OR7C1: variants seen among roughly 807,000 people sequenced by gnomAD.
OR7C1 encodes olfactory receptor family 7 subfamily C member 1, also known as olfactory receptor 7C1.
For synonymous variants in OR7C1, 152 were observed against 160.7 expected, an observed-to-expected ratio of 0.95 and a Z score of 0.41; for missense variants, 324 against 383.3, an observed-to-expected ratio of 0.85 and a Z score of 1.29.
At chr19:14,803,988 C>T (rs570698748) in intron 2 of OR7C1, among the ~76,000 whole-genome samples, 231 of 152,150 alleles carry the variant, frequency 1.5e-3, no homozygotes, top group African/African-American at 5.2e-3. Context: ...GGATTACAGG[C>T]GTGAACCACC....
At chr19:14,808,691 G>T (rs2044677263) in intron 2 of OR7C1, among the ~76,000 whole-genome samples, 1 of 151,410 alleles carries the variant, frequency 6.6e-6, no homozygotes, top group Admixed American at 6.6e-5. Flanking sequence ...TTTGAGTGAT[G>T]GTTACACTAA....
chr19:14,829,167 G>A (rs1178019494), intron 1 of OR7C1, among the ~76,000 whole-genome samples: 2 of 152,208 alleles, frequency 1.3e-5, no homozygotes, highest in Non-Finnish European at 2.9e-5. Context: ...TGCCTGGCAG[G>A]AGGAATGGCA....
exon 5 of OR7C1, chr19:14,799,636 G>A (rs770768606): frequency 2.9e-5 from 46 of 1,613,822 alleles, no homozygotes; most frequent in Admixed American, 1.0e-4. Context: ...CGGTGCAGAA[G>A]GACAGCCTCA....
At chr19:14,821,395 T>TA (rs1263459693) in intron 1 of OR7C1, 1 of 152,238 alleles carries the variant, frequency 6.6e-6, no homozygotes, top group African/African-American at 2.4e-5. Context: ...AGTCCGGAGA[T>TA]AATGTCAGTT....
At chr19:14,819,334 T>A (rs1599920138) in intron 1 of OR7C1, among the ~76,000 whole-genome samples, 1 of 151,884 alleles carries the variant, frequency 6.6e-6, no homozygotes, top group South Asian at 2.1e-4. Flanking sequence ...CCCCACCCCC[T>A]GACAGGCTCC....
intron 2 of OR7C1, among the ~76,000 whole-genome samples, chr19:14,808,780 T>C (rs8111701): frequency 0.036 from 5,433 of 151,998 alleles, 152 homozygotes; most frequent in South Asian, 0.074. Flanking sequence ...AAAATAAAAG[T>C]TTTTCCATTT....
At chr19:14,799,726 G>T (rs771635211) in exon 5 of OR7C1, 1 of 1,614,064 alleles carries the variant, frequency 6.2e-7, no homozygotes, top group Non-Finnish European at 8.5e-7. Context: ...AGAGCTGGGG[G>T]TTCATGATGA....
At chr19:14,832,779 T>C in intron 1 of OR7C1, among the ~76,000 whole-genome samples, 1 of 152,040 alleles carries the variant, frequency 6.6e-6, no homozygotes, top group East Asian at 1.9e-4. Context: ...AAAAAAAGAA[T>C]TATAAAATTA....
chr19:14,827,792 G>C, intron 1 of OR7C1: 1 of 1,614,182 alleles, frequency 6.2e-7, no homozygotes, highest in Non-Finnish European at 8.5e-7. Context: ...GAGCACTCAT[G>C]GTCCAGGATG....
intron 1 of OR7C1, among the ~76,000 whole-genome samples, chr19:14,815,601 C>A (rs1042349094): frequency 4.6e-5 from 7 of 152,132 alleles, no homozygotes; most frequent in Non-Finnish European, 2.9e-5. Flanking sequence ...CTTTCCTTTT[C>A]TAAATTTATA....
At chr19:14,821,100 T>C (rs1472698982) in intron 1 of OR7C1, among the ~76,000 whole-genome samples, 1 of 152,012 alleles carries the variant, frequency 6.6e-6, no homozygotes, top group Admixed American at 6.6e-5. Context: ...TAGCTGGGTG[T>C]AGTGGCAGGT....
rs1364207798 is a variant in OR7C1, at chr19:14,814,953, G to A, written c.-622-4960C>T. 5.3e-5 allele frequency among the ~76,000 whole-genome samples: 8 copies of A among 152,202 alleles called. No homozygotes were observed. The East Asian group carries it at 1.5e-3, about 29-fold the overall frequency. On this transcript the variant is annotated intron_variant, in intron 1 of 4. Transcript: ENST00000641666. ...CAATAAGATACCCAATTATAAGCAG[G>A]GCCTAACGCCATGCCCGGCAAGCAT...
At chr19:14,799,700 A>G (rs1301583974) in exon 5 of OR7C1, 21 of 1,614,020 alleles carry the variant, frequency 1.3e-5, no homozygotes, top group Non-Finnish European at 1.7e-5. Context: ...CCAGGACCCC[A>G]GAACCAGCAG....
intron 1 of OR7C1, among the ~76,000 whole-genome samples, chr19:14,834,653 G>T (rs900013783): frequency 6.7e-6 from 1 of 148,994 alleles, no homozygotes; most frequent in African/African-American, 2.5e-5. Flanking sequence ...TTTTTCTCAC[G>T]GGCATAGAAT....
intron 1 of OR7C1, among the ~76,000 whole-genome samples, chr19:14,815,503 T>C (rs756774605): frequency 6.6e-6 from 1 of 152,212 alleles, no homozygotes; most frequent in Admixed American, 6.5e-5. Flanking sequence ...GAAATGCCTG[T>C]CTCTCTGGTA....
intron 1 of OR7C1, among the ~76,000 whole-genome samples, chr19:14,812,442 A>T (rs192637808): frequency 1.3e-5 from 2 of 152,192 alleles, no homozygotes; most frequent in African/African-American, 4.8e-5. Context: ...CAGACATTGT[A>T]TAAAAGAACA....
rs2044871525 is a variant in OR7C1, at chr19:14,835,055, A to C, written c.-623+19T>G. 6.6e-6 allele frequency: 1 copy of C among 152,184 alleles called. No homozygotes were observed. The highest frequency in any genetic ancestry group is 1.5e-5 in the Non-Finnish European group (1 of 68,050). The allele number at this position is 152,184 out of a possible 1,614,324, so 9.4% of individuals were successfully genotyped here. A position where few individuals can be genotyped will look rare whatever the true frequency, so the allele number is the denominator to read the frequency against. The stretch of plus-strand genomic sequence containing the variant: ...CATCTATTGTTTTCCTGCAGTTCCC[A>C]CTGGGCTCTCCAACTCACCAGGAGG... On this transcript the variant is annotated intron_variant, in intron 1 of 4. Transcript: ENST00000641666.
intron 1 of OR7C1, chr19:14,827,102 G>T: frequency 1.9e-6 from 1 of 517,412 alleles, no homozygotes; most frequent in Non-Finnish European, 3.1e-6. Flanking sequence ...AAAAACTGTT[G>T]GATATCAGAG....
chr19:14,823,277 ACC>A (rs2044749725), intron 1 of OR7C1, among the ~76,000 whole-genome samples: 1 of 145,186 alleles, frequency 6.9e-6, no homozygotes, highest in Admixed American at 6.9e-5. Context: ...ACATGGCGAA[ACC>A]CCATCTCTAC....
Sources: allele counts gnomAD v4.1 joint callset (sites outside exome capture counted in the v4.1 genomes callset), GRCh38; gene constraint gnomAD v4.1.1; transcripts MANE v1.5; gene names NCBI Gene and HGNC (gene_info 2026-07-23, HGNC 2026-07-21).